NUMB: variants seen among roughly 807,000 people sequenced by gnomAD.
NUMB encodes protein numb homolog.
Under a neutral mutation model 59.7 loss-of-function variants are expected in NUMB, and 29 were observed. The ratio of observed to expected loss-of-function variants is 0.49; its 90% CI spans 0.36 to 0.66. NUMB has a LOEUF of 0.66. NUMB is among the 30% of genes least tolerant of loss of function. The pLI, the probability that NUMB is intolerant of heterozygous loss-of-function variation, is 0.00. For synonymous variants in NUMB, 288 were observed against 288.2 expected, an observed-to-expected ratio of 1.00 and a Z score of 0.01; for missense variants, 723 against 822.0, an observed-to-expected ratio of 0.88 and a Z score of 1.47.
At chr14:73,316,488 C>A in intron 5 of NUMB, 66 bp from the exon 6 acceptor site, 2 of 1,446,094 alleles carry the variant, frequency 1.4e-6, no homozygotes, top group South Asian at 1.2e-5. Context: ...GAGTTTCACA[C>A]CAATAAGCAC....
In NUMB at chr14:73,398,409, AGAGAGAGTGTGTGT is replaced by A. The variant is rs1421107711; in HGVS notation, c.-101+11514_-101+11527del. ...GACACACACAGAGAGAGAGAGAGAG[AGAGAGAGTGTGTGT>A]GTGTGTGTGTGTGTGTGTGTGTGTG... On this transcript the variant is annotated intron_variant, in intron 2 of 12. Coordinates refer to ENST00000555238, the MANE Select transcript of NUMB (RefSeq NM_001005743.2). Among the ~76,000 whole-genome samples, 1,173 of 120,196 alleles carry A rather than the reference AGAGAGAGTGTGTGT, an allele frequency of 9.8e-3. 23 individuals are homozygous for A. Among genetic ancestry groups the A allele is most frequent in the African/African-American group, 0.032 (1,107 of 34,362 alleles). The allele number at this position is 120,196 out of a possible 152,430, so 78.9% of individuals were successfully genotyped here.
At position 73,323,378 on chromosome 14, in the gene NUMB, G is replaced by C. The variant is rs1412786372; in HGVS notation, c.127-174C>G. On this transcript the variant is annotated intron_variant, in intron 4 of 12. Transcript: ENST00000555238. Reference sequence around the variant, plus strand: ...GGATAAGAGACACACAACCTGTATTGAAATTCCTACACTCAAGAAATACAC... The same window carrying C: ...GGATAAGAGACACACAACCTGTATTCAAATTCCTACACTCAAGAAATACAC... The C allele has an allele frequency of 9.7e-6, 5 of 514,714 alleles. No homozygotes were observed. The African/African-American group carries it at 9.9e-5, about 10-fold the overall frequency. 31.9% of individuals were successfully genotyped at this position (514,714 alleles called of 1,614,324 possible).
chr14:73,350,066 T>C (rs916015570), intron 4 of NUMB, among the ~76,000 whole-genome samples: 73 of 103,702 alleles, frequency 7.0e-4, no homozygotes, highest in African/African-American at 3.3e-3. Flanking sequence ...CATATATACA[T>C]ACATACATAC....
At chr14:73,358,602 CTTTT>C (rs35552161) in intron 3 of NUMB, among the ~76,000 whole-genome samples, 6 of 118,938 alleles carry the variant, frequency 5.0e-5, no homozygotes, top group Admixed American at 2.5e-4. Context: ...GAAAGCTAGA[CTTTT>C]TTTTTTTTTT....
chr14:73,353,072 G>GTTTTTTTTTTTT (rs71112737), intron 4 of NUMB, among the ~76,000 whole-genome samples: 609 of 58,492 alleles, frequency 0.01, 170 homozygotes, highest in Non-Finnish European at 0.014. Context: ...AGTTTTTCTT[G>GTTTTTTTTTTTT]TTTTTTTTTT....
chr14:73,276,805 TAAA>T lies in NUMB; in HGVS notation c.1726_1728del (p.Phe576del), dbSNP rs1432854718. 1.9e-6 allele frequency: 3 copies of T among 1,613,978 alleles called. No homozygotes were observed. The African/African-American group carries it at 4.0e-5, about 22-fold the overall frequency. ...CCGTTGAGGTGCTGAGCAGGAGGCT[TAAA>T]GAAGGGACTGGTGGTAGCACTGCTT... On this transcript the variant is annotated inframe_deletion, in exon 13 of 13. Coordinates refer to ENST00000555238, the MANE Select transcript of NUMB (RefSeq NM_001005743.2).
At chr14:73,364,141 C>T (rs1894223798) in intron 3 of NUMB, among the ~76,000 whole-genome samples, 1 of 152,100 alleles carries the variant, frequency 6.6e-6, no homozygotes, top group Non-Finnish European at 1.5e-5. Context: ...ACTCGTTCTT[C>T]ACACAAAAAA....
At chr14:73,406,724 T>C (rs1033416456) in intron 2 of NUMB, among the ~76,000 whole-genome samples, 1 of 152,158 alleles carries the variant, frequency 6.6e-6, no homozygotes, top group Non-Finnish European at 1.5e-5. Context: ...TGTAAAAGTG[T>C]TCCTATTTCT....
chr14:73,346,177 A>G (rs1412982556), intron 4 of NUMB, among the ~76,000 whole-genome samples: 1 of 152,030 alleles, frequency 6.6e-6, no homozygotes, highest in Admixed American at 6.6e-5. Context: ...TCCCTTCTCC[A>G]TTAAAAAAAT....
At position 73,443,743 on chromosome 14, in the gene NUMB, C is replaced by T. The variant is rs543172096; in HGVS notation, c.-233+14750G>A. Among the ~76,000 whole-genome samples the T allele has an allele frequency of 4.7e-5, 7 of 150,282 alleles. No individual in the cohort carries two copies. In the East Asian group the frequency reaches 6.2e-4, roughly 13 times the overall value. On this transcript the variant is annotated intron_variant, in intron 1 of 12. Transcript: ENST00000555238. ...TCAGCTCACTGCAACCACTACCTAC[C>T]GGGTTCAAGCAATTCTCCAGCCACA...
chr14:73,341,847 A>C (rs1892647189), intron 4 of NUMB, among the ~76,000 whole-genome samples: 1 of 152,220 alleles, frequency 6.6e-6, no homozygotes, highest in Non-Finnish European at 1.5e-5. Flanking sequence ...ACAATATAGT[A>C]CTTAGGGAGA....
At chr14:73,277,371 G>A in intron 12 of NUMB, 78 bp from the exon 13 acceptor site, 2 of 1,149,896 alleles carry the variant, frequency 1.7e-6, no homozygotes, top group Non-Finnish European at 2.4e-6. Flanking sequence ...TTATTTGAAT[G>A]ATCCTAACAT....
At position 73,432,143 on chromosome 14, in the gene NUMB, G is replaced by A. The variant is rs115445359; in HGVS notation, c.-232-22075C>T. 2.5e-3 allele frequency among the ~76,000 whole-genome samples: 378 copies of A among 152,128 alleles called. 1 individual carries two copies. The highest frequency in any genetic ancestry group is 8.9e-3 in the African/African-American group (369 of 41,516). On this transcript the variant is annotated intron_variant, in intron 1 of 12. Transcript: ENST00000555238. ...TGATTACCAATCAAATCTCCAAAGA[G>A]TATAAGCAGTACGATAGTACTATAT... is the stretch of plus-strand genomic sequence containing the variant.
intron 4 of NUMB, among the ~76,000 whole-genome samples, chr14:73,334,056 G>GT (rs1892148899): frequency 6.7e-6 from 1 of 148,602 alleles, no homozygotes; most frequent in African/African-American, 2.5e-5. Context: ...TTGTGTGTGT[G>GT]TGTTTTTTTT....
intron 1 of NUMB, among the ~76,000 whole-genome samples, chr14:73,450,919 AGG>A (rs1272979011): frequency 6.6e-6 from 1 of 152,110 alleles, no homozygotes; most frequent in Non-Finnish European, 1.5e-5. Flanking sequence ...TGGGAGGCCG[AGG>A]CAGGAGGATC....
chr14:73,277,762 TAAA>T (rs35278332), intron 12 of NUMB, among the ~76,000 whole-genome samples: 14 of 144,014 alleles, frequency 9.7e-5, no homozygotes, highest in Admixed American at 8.2e-4. Context: ...AATTCTGTCT[TAAA>T]AAAAAAAAAA....
intron 4 of NUMB, among the ~76,000 whole-genome samples, chr14:73,338,935 C>T (rs1892491295): frequency 6.6e-6 from 1 of 152,168 alleles, no homozygotes; most frequent in African/African-American, 2.4e-5. Flanking sequence ...GAAGGTTGTA[C>T]TTTGATAAGA....
At chr14:73,434,152 A>T (rs1015060522) in intron 1 of NUMB, among the ~76,000 whole-genome samples, 2 of 152,194 alleles carry the variant, frequency 1.3e-5, no homozygotes, top group African/African-American at 4.8e-5. Flanking sequence ...TGATATGCTC[A>T]ACAACAAAGT....
chr14:73,393,990 G>T (rs1480109037), intron 2 of NUMB, among the ~76,000 whole-genome samples: 1 of 152,084 alleles, frequency 6.6e-6, no homozygotes, highest in African/African-American at 2.4e-5. Context: ...TTTTGAGACG[G>T]AGTTTCACTC....
Sources: allele counts gnomAD v4.1 joint callset (sites outside exome capture counted in the v4.1 genomes callset), GRCh38; gene constraint gnomAD v4.1.1; transcripts MANE v1.5; gene names NCBI Gene and HGNC (gene_info 2026-07-23, HGNC 2026-07-21).